Variants in ZNF565 observed in about 807,000 individuals in gnomAD.
The protein encoded by ZNF565 is zinc finger protein 565.
In ZNF565, 27 loss-of-function variants were observed where a neutral mutation model predicts 39.4. The observed-to-expected ratio is 0.69, with a 90% CI of 0.51 to 0.95. ZNF565 has a LOEUF of 0.95. Among genes scored for constraint, ZNF565 ranks in the 40% least tolerant of loss-of-function variants. The probability of loss-of-function intolerance (pLI) is 0.00; values close to 1 mark genes in which losing one functional copy is unlikely to be tolerated. For missense variants in ZNF565, 524 were observed against 621.1 expected (o/e 0.84, Z 1.66); for synonymous variants, 185 against 216.6 (o/e 0.85, Z 1.28).
intron 1 of ZNF565, among the ~76,000 whole-genome samples, chr19:36,211,760 T>TC (rs1258935993): frequency 8.0e-5 from 12 of 149,268 alleles, no homozygotes; most frequent in African/African-American, 3.0e-4. Flanking sequence ...GCCACTGCAC[T>TC]CCAGCCTGGG....
Position 36,195,060 on chromosome 19 carries a change from G to C in ZNF565, c.106C>G (p.Leu36Val). 2 of 1,614,150 alleles carry C rather than the reference G, an allele frequency of 1.2e-6. No individual in the cohort carries two copies. Among genetic ancestry groups the C allele is most frequent in the Non-Finnish European group, 1.7e-6 (2 of 1,180,038 alleles). ...AQRDLYREVT[L>V]ENFGHLASLG... ...GAGGCCAAGTGACCAAAGTTCTCCA[G>C]AGTCACCTCCCTGTACAAGTCCCTC... Residue 36 changes from leucine (L) to valine (V), a missense_variant, in exon 3 of 5, where the codon CTG (leucine) becomes GTG (valine). Coordinates refer to ENST00000304116, the MANE Select transcript of ZNF565 (RefSeq NM_152477.5).
upstream of ZNF565, among the ~76,000 whole-genome samples, chr19:36,217,885 C>CA (rs10590776): frequency 7.7e-4 from 102 of 133,292 alleles, no homozygotes; most frequent in African/African-American, 1.2e-3. Flanking sequence ...AACTCCATCT[C>CA]AAAAAAAAAA....
chr19:36,217,927 A>G (rs542095866), upstream of ZNF565, among the ~76,000 whole-genome samples: 1 of 152,042 alleles, frequency 6.6e-6, no homozygotes, highest in South Asian at 2.1e-4. Context: ...ACGAAATAAT[A>G]AAACTGGCTG....
intron 1 of ZNF565, among the ~76,000 whole-genome samples, chr19:36,222,658 A>ATG (rs1167038671): frequency 1.3e-5 from 2 of 151,644 alleles, no homozygotes; most frequent in Non-Finnish European, 2.9e-5. Flanking sequence ...AAAGGCCTGT[A>ATG]TGTATTAATC....
At chr19:36,205,764 AGAG>A (rs1366766031) in intron 1 of ZNF565, among the ~76,000 whole-genome samples, 5 of 151,704 alleles carry the variant, frequency 3.3e-5, no homozygotes, top group Non-Finnish European at 7.4e-5. Flanking sequence ...GCAGCAGAAA[AGAG>A]GAGGAGAGAG....
intron 1 of ZNF565, among the ~76,000 whole-genome samples, chr19:36,223,819 T>A (rs115988914): frequency 1.3e-5 from 2 of 151,860 alleles, no homozygotes; most frequent in African/African-American, 4.8e-5. Flanking sequence ...TGATCACAGC[T>A]GACTGCAGCC....
chr19:36,183,865 T>C, intron 4 of ZNF565, 132 bp from the exon 5 acceptor site: 1 of 764,978 alleles, frequency 1.3e-6, no homozygotes, highest in Non-Finnish European at 2.1e-6. Context: ...GGCGGGTGGA[T>C]CACAAGGTCG....
At chr19:36,206,906 G>A (rs1976176585) in intron 1 of ZNF565, among the ~76,000 whole-genome samples, 1 of 152,176 alleles carries the variant, frequency 6.6e-6, no homozygotes, top group South Asian at 2.1e-4. Flanking sequence ...AGAAGATTAA[G>A]GGGAGAGGGA....
At chr19:36,233,969 A>G (rs964704781) in intron 1 of ZNF565, among the ~76,000 whole-genome samples, 5 of 151,570 alleles carry the variant, frequency 3.3e-5, no homozygotes, top group African/African-American at 7.3e-5. Flanking sequence ...GCCATATTTC[A>G]GACTATCACA....
At chr19:36,221,315 G>A (rs1026722292) in intron 1 of ZNF565, among the ~76,000 whole-genome samples, 3 of 131,858 alleles carry the variant, frequency 2.3e-5, no homozygotes, top group Non-Finnish European at 4.7e-5. Flanking sequence ...TTGAGACGGA[G>A]TCTCACTCTG....
chr19:36,198,535 A>G (rs529957259), intron 2 of ZNF565, among the ~76,000 whole-genome samples: 1 of 152,294 alleles, frequency 6.6e-6, no homozygotes, highest in African/African-American at 2.4e-5. Context: ...GGTACAAAAA[A>G]TAGAAAGAAT....
At chr19:36,211,488 A>ACACAC (rs1568423884) in intron 1 of ZNF565, among the ~76,000 whole-genome samples, 45 of 111,840 alleles carry the variant, frequency 4.0e-4, no homozygotes, top group African/African-American at 1.3e-3. Context: ...CACACACACA[A>ACACAC]TTCTAATTAA....
chr19:36,183,587 T>C lies in ZNF565; in HGVS notation c.379A>G (p.Arg127Gly). 3 of 1,614,184 alleles carry C rather than the reference T, an allele frequency of 1.9e-6. No homozygotes were observed. The highest frequency in any genetic ancestry group is 1.7e-6 in the Non-Finnish European group (2 of 1,180,042). ...AAATAGCACTCTTCATTGACTTGTCTCTCAAACTGGCCTTCGCATTCCCAG... is the reference window on the plus strand; with the variant it reads ...AAATAGCACTCTTCATTGACTTGTCCCTCAAACTGGCCTTCGCATTCCCAG... ...ADWECEGQFE[R>G]QVNEECYFKQ... Residue 127 changes from arginine to glycine, a missense_variant, in exon 5 of 5, where the codon AGA (arginine) becomes GGA (glycine). By Grantham distance (125) the Arg-to-Gly change is moderately radical (BLOSUM62 -2). Coordinates refer to ENST00000304116, the MANE Select transcript of ZNF565 (RefSeq NM_152477.5).
In ZNF565 at chr19:36,236,539, G is replaced by A. The variant is rs139468503; in HGVS notation, c.55+8937C>T. 1.2e-4 allele frequency: 195 copies of A among 1,614,180 alleles called. 1 individual carries two copies. In the African/African-American group the frequency reaches 1.3e-3, roughly 11 times the overall value. On this transcript the variant is annotated intron_variant, in intron 1 of 4. Coordinates refer to the ZNF565 transcript ENST00000355114. Reference sequence around the variant, plus strand: ...TCAGCCACAAATCAAACCTCACTGAGCATGAGCATTTTCACACGAGAGAGA... The same window carrying A: ...TCAGCCACAAATCAAACCTCACTGAACATGAGCATTTTCACACGAGAGAGA...
In ZNF565 at chr19:36,184,008, G is replaced by A. The variant is rs191707037; in HGVS notation, c.233-275C>T. Among the ~76,000 whole-genome samples, 557 of 143,202 alleles carry A rather than the reference G, an allele frequency of 3.9e-3. 8 individuals carry two copies. The highest frequency in any genetic ancestry group is 0.024 in the Admixed American group (331 of 13,816). The allele number at this position is 143,202 out of a possible 152,430, so 93.9% of individuals were successfully genotyped here. Reference sequence around the variant, plus strand: ...CAGGAGAATCGCTTGAACCTGGGAGGCAGAGGTCGCAGTGAGCCGAGATTG... The same window carrying A: ...CAGGAGAATCGCTTGAACCTGGGAGACAGAGGTCGCAGTGAGCCGAGATTG... On this transcript the variant is annotated intron_variant, in intron 4 of 4. Transcript: ENST00000304116.
chr19:36,208,455 C>T (rs994976955), intron 1 of ZNF565, among the ~76,000 whole-genome samples: 2 of 152,160 alleles, frequency 1.3e-5, no homozygotes, highest in African/African-American at 4.8e-5. Flanking sequence ...CCACTTCAGC[C>T]TCCTAAAATG....
chr19:36,198,911 T>C (rs1261312279), intron 2 of ZNF565, among the ~76,000 whole-genome samples: 1 of 152,156 alleles, frequency 6.6e-6, no homozygotes, highest in African/African-American at 2.4e-5. Context: ...AAATGTACAT[T>C]TTAAAATAAA....
Position 36,245,408 on chromosome 19 carries a change from G to T in ZNF565, c.55+68C>A. 1.4e-6 allele frequency: 1 copy of T among 700,788 alleles called. No homozygotes were observed. Among genetic ancestry groups the T allele is most frequent in the Non-Finnish European group, 2.6e-6 (1 of 383,976 alleles). The allele number at this position is 700,788 out of a possible 1,614,324, so 43.4% of individuals were successfully genotyped here. A position where few individuals can be genotyped will look rare whatever the true frequency, so the allele number is the denominator to read the frequency against. On this transcript the variant is annotated intron_variant, in intron 1 of 4. Transcript: ENST00000355114. This position sits in a 1 kb window ranked among gnomAD's most constrained non-coding sequence, Gnocchi z 4.4. The stretch of plus-strand genomic sequence containing the variant: ...GTCACTGCGACCCGGAAAGCTCCGC[G>T]CTTACGACGCCCACCCAGAAAATCC...
chr19:36,244,015 G>GT lies in ZNF565; in HGVS notation c.55+1460dup, dbSNP rs1286767563. On this transcript the variant is annotated intron_variant, in intron 1 of 4. Transcript: ENST00000355114. Reference sequence around the variant, plus strand: ...CCACACCCAGCCTTCCCTTTTTTCTGTTTTTCTTCTTTTCTCTACTGGCCT... The same window carrying GT: ...CCACACCCAGCCTTCCCTTTTTTCTGTTTTTTCTTCTTTTCTCTACTGGCCT... 6.6e-5 allele frequency among the ~76,000 whole-genome samples: 10 copies of GT among 152,062 alleles called. No individual in the cohort carries two copies. In the East Asian group the frequency reaches 1.7e-3, roughly 26 times the overall value.
Sources: gnomAD v4.1 joint callset for allele counts (sites outside exome capture counted in the v4.1 genomes callset) on GRCh38, gnomAD v4.1.1 for gene constraint, Gnocchi (gnomAD v3.1) non-coding constraint, MANE v1.5 for transcripts, NCBI Gene and HGNC (gene_info 2026-07-23, HGNC 2026-07-21) for gene names.